CAMTA1: variants seen among roughly 807,000 people sequenced by gnomAD.
CAMTA1 encodes calmodulin-binding transcription activator 1.
Under a neutral mutation model 170.9 loss-of-function variants are expected in CAMTA1, and 27 were observed. The observed-to-expected ratio is 0.16, with a 90% CI of 0.12 to 0.22. CAMTA1 has a LOEUF of 0.22. CAMTA1 is among the 10% of genes least tolerant of loss of function. CAMTA1 has a pLI of 1.00. For synonymous variants in CAMTA1, 833 were observed against 891.5 expected (o/e 0.93, Z 1.17); for missense variants, 1,619 against 2,217.2 (o/e 0.73, Z 5.42).
chr1:7,052,081 G>C (rs1241269395), intron 3 of CAMTA1, among the ~76,000 whole-genome samples: 1 of 147,238 alleles, frequency 6.8e-6, no homozygotes, highest in Non-Finnish European at 1.5e-5. Flanking sequence ...CATGGGGCGG[G>C]GGGGTGGGTA....
rs532093587 is a variant in CAMTA1, at chr1:6,837,078, C to G, written c.234+11868C>G. Among the ~76,000 whole-genome samples the G allele has an allele frequency of 8.3e-4, 126 of 152,138 alleles. 1 individual carries two copies. Among genetic ancestry groups the G allele is most frequent in the Non-Finnish European group, 1.4e-3 (94 of 67,984 alleles). On this transcript the variant is annotated intron_variant, in intron 3 of 22. Coordinates refer to ENST00000303635, the MANE Select transcript of CAMTA1 (RefSeq NM_015215.4). The stretch of plus-strand genomic sequence containing the variant: ...ATGCCATTCTCCTGCCTCAGCCTCC[C>G]AAGCAGCTGGGACTACAGGCACGCG...
chr1:7,495,713 C>T (rs2093815606), intron 6 of CAMTA1, among the ~76,000 whole-genome samples: 2 of 152,222 alleles, frequency 1.3e-5, no homozygotes, highest in South Asian at 2.1e-4. Flanking sequence ...TGGCCAGGTG[C>T]GGAATGAAAA....
intron 10 of CAMTA1, 96 bp downstream of exon 10, chr1:7,671,133 G>A: frequency 7.4e-7 from 1 of 1,345,986 alleles, no homozygotes; most frequent in Non-Finnish European, 1.0e-6. Context: ...AGCAGGTCAT[G>A]TCCTTACTCT....
chr1:7,465,866 G>A (rs11120939), intron 5 of CAMTA1, among the ~76,000 whole-genome samples: 75 of 152,242 alleles, frequency 4.9e-4, no homozygotes, highest in African/African-American at 1.7e-3. Context: ...AACCAACCAC[G>A]GTCTTTTCAA....
chr1:7,705,618 A>G (rs897145671), intron 11 of CAMTA1, among the ~76,000 whole-genome samples: 1 of 151,478 alleles, frequency 6.6e-6, no homozygotes, highest in African/African-American at 2.4e-5. Context: ...GGTTTTTGGG[A>G]CCCAGTGCCG....
At chr1:7,187,191 G>C (rs1358111203) in intron 4 of CAMTA1, among the ~76,000 whole-genome samples, 2 of 152,096 alleles carry the variant, frequency 1.3e-5, no homozygotes, top group Non-Finnish European at 2.9e-5. Context: ...GGTTTGCAGA[G>C]AGGAATATGG....
At chr1:7,501,451 AGGGATGGCCTT>A (rs1219461338) in intron 6 of CAMTA1, among the ~76,000 whole-genome samples, 1 of 152,086 alleles carries the variant, frequency 6.6e-6, no homozygotes, top group Non-Finnish European at 1.5e-5. Context: ...ACATCTCATT[AGGGATGGCCTT>A]GGGCTTGGCG....
intron 1 of CAMTA1, among the ~76,000 whole-genome samples, chr1:6,814,355 G>A (rs927916151): frequency 9.2e-5 from 14 of 152,126 alleles, no homozygotes; most frequent in Non-Finnish European, 1.9e-4. Flanking sequence ...CCTTGGAATC[G>A]TGACCAAATT....
At chr1:7,115,981 C>T (rs938079428) in intron 4 of CAMTA1, among the ~76,000 whole-genome samples, 19 of 152,190 alleles carry the variant, frequency 1.2e-4, no homozygotes, top group Non-Finnish European at 2.6e-4. Context: ...ATCCACACAT[C>T]CAGAATCATG....
chr1:7,170,857 T>C (rs1649457035), intron 4 of CAMTA1, among the ~76,000 whole-genome samples: 1 of 152,236 alleles, frequency 6.6e-6, no homozygotes, highest in African/African-American at 2.4e-5. Flanking sequence ...TTGGACAATA[T>C]GATGCTAGCG....
intron 5 of CAMTA1, among the ~76,000 whole-genome samples, chr1:7,256,806 G>C (rs986720440): frequency 1.3e-5 from 2 of 152,112 alleles, no homozygotes; most frequent in African/African-American, 2.4e-5. Flanking sequence ...CCTGTTTCCT[G>C]GTGCATTTTG....
At chr1:7,149,761 G>A (rs886582277) in intron 4 of CAMTA1, among the ~76,000 whole-genome samples, 5 of 152,328 alleles carry the variant, frequency 3.3e-5, no homozygotes, top group African/African-American at 9.6e-5. Flanking sequence ...CGGCCTGGGC[G>A]GCGGCCAGCA....
chr1:7,277,489 G>GTGT (rs1173899075), intron 5 of CAMTA1, among the ~76,000 whole-genome samples: 1 of 149,128 alleles, frequency 6.7e-6, no homozygotes, highest in East Asian at 2.0e-4. Flanking sequence ...GTGTGTGTGT[G>GTGT]TGTAAGAGAG....
chr1:7,407,508 T>C (rs970600889), intron 5 of CAMTA1, among the ~76,000 whole-genome samples: 1 of 152,134 alleles, frequency 6.6e-6, no homozygotes, highest in Non-Finnish European at 1.5e-5. Context: ...TGAGCTGCCC[T>C]AGAGAGTGGA....
chr1:7,339,707 C>G (rs1477701532), intron 5 of CAMTA1, among the ~76,000 whole-genome samples: 1 of 152,138 alleles, frequency 6.6e-6, no homozygotes, highest in Non-Finnish European at 1.5e-5. Context: ...AGCAATTCTC[C>G]TGCCTCAGCC....
In CAMTA1 at chr1:7,570,410, G is replaced by T. The variant is rs1431692144; in HGVS notation, c.511-69990G>T. On this transcript the variant is annotated intron_variant, in intron 6 of 22. Transcript: ENST00000303635. This position sits in a 1 kb window ranked among gnomAD's most constrained non-coding sequence, Gnocchi z 4.3. ...GAAGGGTGGAGGGAGGAAGCACGGGGAGGAGGAAGCCAGGGGCAAACCCGG... is the reference window on the plus strand; with the variant it reads ...GAAGGGTGGAGGGAGGAAGCACGGGTAGGAGGAAGCCAGGGGCAAACCCGG... 1.3e-5 allele frequency among the ~76,000 whole-genome samples: 2 copies of T among 152,248 alleles called. No homozygotes were observed. The highest frequency in any genetic ancestry group is 2.4e-5 in the African/African-American group (1 of 41,460).
chr1:6,846,053 A>G (rs1657983173), intron 3 of CAMTA1, among the ~76,000 whole-genome samples: 1 of 152,200 alleles, frequency 6.6e-6, no homozygotes, highest in South Asian at 2.1e-4. Flanking sequence ...ATTCACTACC[A>G]TGAGAACAAT....
intron 11 of CAMTA1, among the ~76,000 whole-genome samples, chr1:7,714,449 C>T (rs1343027645): frequency 6.6e-6 from 1 of 152,140 alleles, no homozygotes; most frequent in African/African-American, 2.4e-5. Context: ...TCCTTAATAC[C>T]AAACAGTAAT....
At chr1:6,851,543 T>TA (rs1428940514) in intron 3 of CAMTA1, among the ~76,000 whole-genome samples, 4 of 152,190 alleles carry the variant, frequency 2.6e-5, no homozygotes, top group Admixed American at 6.5e-5. Context: ...ATCACAGATT[T>TA]AAAAAATACT....
Sources: gnomAD v4.1 joint callset for allele counts (sites outside exome capture counted in the v4.1 genomes callset) on GRCh38, gnomAD v4.1.1 for gene constraint, Gnocchi (gnomAD v3.1) non-coding constraint, MANE v1.5 for transcripts, NCBI Gene and HGNC (gene_info 2026-07-23, HGNC 2026-07-21) for gene names.